RNF212B: variants seen among roughly 807,000 people sequenced by gnomAD.
RNF212B encodes the protein E3 ubiquitin-protein ligase RNF212B.
A neutral mutation model predicts 55.5 loss-of-function variants in RNF212B; 52 were observed. The ratio of observed to expected loss-of-function variants is 0.94; its 90% CI spans 0.75 to 1.18. The LOEUF is 1.18. Ranked by LOEUF, RNF212B falls within the 50% of genes most tolerant of loss-of-function variation. RNF212B has a pLI of 0.00. For synonymous variants in RNF212B, 99 were observed against 121.4 expected (o/e 0.82, Z 1.21); for missense variants, 289 against 350.4 (o/e 0.82, Z 1.40).
chr14:23,205,428 T>G (rs1256674960), intron 2 of RNF212B, among the ~76,000 whole-genome samples: 1 of 152,162 alleles, frequency 6.6e-6, no homozygotes, highest in Non-Finnish European at 1.5e-5. Flanking sequence ...GTGACCAGTT[T>G]GTCTGCAAGT....
chr14:23,244,637 G>T (rs1883858366), intron 4 of RNF212B, among the ~76,000 whole-genome samples: 1 of 152,094 alleles, frequency 6.6e-6, no homozygotes, highest in South Asian at 2.1e-4. Context: ...TTTCCTAGTT[G>T]TATTAATTAA....
At chr14:23,245,957 T>C (rs1212897523) in intron 4 of RNF212B, among the ~76,000 whole-genome samples, 3 of 152,276 alleles carry the variant, frequency 2.0e-5, no homozygotes, top group South Asian at 4.1e-4. Flanking sequence ...GTTGTAAATA[T>C]CTATTTATGT....
chr14:23,210,927 A>AT (rs1349418464), intron 2 of RNF212B, among the ~76,000 whole-genome samples: 2 of 152,158 alleles, frequency 1.3e-5, no homozygotes, highest in Non-Finnish European at 2.9e-5. Flanking sequence ...TTACAAAAAG[A>AT]TAATGAATAA....
At chr14:23,240,795 C>T (rs1187463716) in intron 2 of RNF212B, among the ~76,000 whole-genome samples, 1 of 152,086 alleles carries the variant, frequency 6.6e-6, no homozygotes, top group African/African-American at 2.4e-5. Context: ...ATAGAAGAGC[C>T]ATTTCTAAAG....
At chr14:23,196,552 G>C (rs760651520) in intron 2 of RNF212B, among the ~76,000 whole-genome samples, 1 of 152,168 alleles carries the variant, frequency 6.6e-6, no homozygotes, top group South Asian at 2.1e-4. Context: ...CAATCCTCCC[G>C]CCTCAGCCTC....
At chr14:23,251,814 C>CAAAAAAA (rs71119011) in intron 4 of RNF212B, among the ~76,000 whole-genome samples, 36 of 136,430 alleles carry the variant, frequency 2.6e-4, no homozygotes, top group African/African-American at 8.0e-4. Flanking sequence ...GACTCTGTCT[C>CAAAAAAA]AAAAAAAAAA....
chr14:23,264,350 C>T, intron 10 of RNF212B, 116 bp downstream of exon 10: 1 of 872,540 alleles, frequency 1.1e-6, no homozygotes, highest in Non-Finnish European at 1.8e-6. Context: ...TGATGTCATA[C>T]TGGACCCTAT....
intron 2 of RNF212B, among the ~76,000 whole-genome samples, chr14:23,226,252 C>CG (rs1261355006): frequency 7.0e-6 from 1 of 142,894 alleles, no homozygotes; most frequent in African/African-American, 2.6e-5. Context: ...GAGCCAAGAT[C>CG]GCTCGCTGCA....
At chr14:23,203,138 C>T (rs948849715) in intron 2 of RNF212B, among the ~76,000 whole-genome samples, 1 of 151,934 alleles carries the variant, frequency 6.6e-6, no homozygotes, top group African/African-American at 2.4e-5. Context: ...CCCCAACCCT[C>T]ACCCCCAAGA....
chr14:23,239,647 C>G (rs1373020225), intron 1 of RNF212B, among the ~76,000 whole-genome samples: 3 of 151,548 alleles, frequency 2.0e-5, no homozygotes, highest in African/African-American at 7.3e-5. Context: ...GAGACGGAGT[C>G]TGGCTCTGTC....
rs775125820 is a variant in RNF212B at position 23,244,341 on chromosome 14, T to C, written c.173T>C (p.Met58Thr). ...TCGTAGCTGAAGCCTCAGGAGAAGA[T>C]GTTTTTCAAAAGTCCTGTGGAGACA... is the stretch of plus-strand genomic sequence containing the variant. ...LSDNLKPQEK[M>T]FFKSPVETAL... The change falls in exon 4 of 15, where the codon ATG (methionine) becomes ACG (threonine). Residue 58 changes from methionine to threonine, a missense_variant. Transcript: ENST00000430154. The C allele has an allele frequency of 6.5e-6, 10 of 1,545,636 alleles. No homozygotes were observed. The South Asian group carries it at 1.1e-4, about 17-fold the overall frequency.
chr14:23,216,879 C>CAA lies in RNF212B; in HGVS notation c.-1-23442_-1-23441dup, dbSNP rs59923716. The stretch of plus-strand genomic sequence containing the variant: ...TGGGTGACTGAATGTGACCCTGTCT[C>CAA]AAAAAAAAAAAAAAAAAAAAAAAAA... On this transcript the variant is annotated intron_variant, in intron 2 of 15. Transcript: ENST00000399910. 4.7e-3 allele frequency among the ~76,000 whole-genome samples: 231 copies of CAA among 48,640 alleles called. 20 individuals are homozygous for CAA. The highest frequency in any genetic ancestry group is 9.8e-3 in the East Asian group (13 of 1,326). The allele number at this position is 48,640 out of a possible 152,430, so 31.9% of individuals were successfully genotyped here.
Position 23,258,649 on chromosome 14 carries a change from TG to T in RNF212B, c.331del (p.Val111Ter). ...ETAMQEAQQA[L>X]VSQDKELSVL... is the part of the protein sequence containing the mutation. ...GCCATGCAGGAGGCACAGCAAGCAC[TG>T]GTGAGCCAGGACAAGTAAGTAACAA... is the stretch of plus-strand genomic sequence containing the variant. On this transcript the variant is annotated frameshift_variant, in exon 5 of 15. Coordinates refer to ENST00000430154, the MANE Select transcript of RNF212B (RefSeq NM_001282322.3). LOFTEE classifies it high-confidence loss of function. The T allele has an allele frequency of 6.6e-7, 1 of 1,507,578 alleles. No homozygotes were observed. The highest frequency in any genetic ancestry group is 8.9e-7 in the Non-Finnish European group (1 of 1,118,938). 93.4% of individuals were successfully genotyped at this position (1,507,578 alleles called of 1,614,324 possible).
intron 7 of RNF212B, among the ~76,000 whole-genome samples, 171 bp downstream of exon 7, chr14:23,260,858 G>T (rs1178851340): frequency 2.0e-5 from 3 of 152,196 alleles, no homozygotes; most frequent in Non-Finnish European, 4.4e-5. Flanking sequence ...TAATTGTAAT[G>T]CTCACCCTGG....
At chr14:23,250,080 G>T (rs745328731) in intron 4 of RNF212B, among the ~76,000 whole-genome samples, 1 of 152,128 alleles carries the variant, frequency 6.6e-6, no homozygotes, top group Non-Finnish European at 1.5e-5. Context: ...ATTACGTAAG[G>T]TTATTTATTA....
chr14:23,194,734 CAAAA>C lies in RNF212B; in HGVS notation c.-2+1353_-2+1356del, dbSNP rs34019946. On this transcript the variant is annotated intron_variant, in intron 2 of 15. Transcript: ENST00000399910. Reference sequence around the variant, plus strand: ...TGGGCTACAGAGTGAGACTCTGTCTCAAAAAAAAAAAAAAAAAAAAAAACAACGC... The same window carrying C: ...TGGGCTACAGAGTGAGACTCTGTCTCAAAAAAAAAAAAAAAAAAACAACGC... Among the ~76,000 whole-genome samples the C allele has an allele frequency of 3.9e-3, 293 of 74,978 alleles. 1 individual carries two copies. The highest frequency in any genetic ancestry group is 0.013 in the African/African-American group (272 of 21,250). The allele number at this position is 74,978 out of a possible 152,430, so 49.2% of individuals were successfully genotyped here. A position where few individuals can be genotyped will look rare whatever the true frequency, so the allele number is the denominator to read the frequency against.
intron 1 of RNF212B, among the ~76,000 whole-genome samples, chr14:23,239,436 A>G (rs1052291440): frequency 1.3e-5 from 2 of 152,054 alleles, no homozygotes; most frequent in Admixed American, 1.3e-4. Context: ...CCATACCATC[A>G]TTCATCAGCC....
upstream of RNF212B, among the ~76,000 whole-genome samples, chr14:23,236,564 C>G (rs1273928603): frequency 6.6e-6 from 1 of 152,054 alleles, no homozygotes; most frequent in Non-Finnish European, 1.5e-5. Flanking sequence ...CAAACAACAA[C>G]AACAAACAAA....
At chr14:23,222,228 T>C (rs778156261) in intron 2 of RNF212B, among the ~76,000 whole-genome samples, 5 of 151,064 alleles carry the variant, frequency 3.3e-5, no homozygotes, top group African/African-American at 1.2e-4. Context: ...ATGAACAAAA[T>C]TGATAAACTT....
Sources: gnomAD v4.1 joint callset for allele counts (sites outside exome capture counted in the v4.1 genomes callset) on GRCh38, gnomAD v4.1.1 for gene constraint, MANE v1.5 for transcripts, NCBI Gene and HGNC (gene_info 2026-07-23, HGNC 2026-07-21) for gene names.